The following PKHD1L1 variants were observed in gnomAD, a reference collection of about 807,000 sequenced individuals.
PKHD1L1 encodes PKHD1 like 1, also known as fibrocystin-L.
In PKHD1L1, 434 loss-of-function variants were observed where a neutral mutation model predicts 462.9. The observed-to-expected ratio is 0.94, with a 90% CI of 0.87 to 1.02. PKHD1L1 has a LOEUF of 1.02. Ranked by LOEUF, PKHD1L1 falls within the 50% of genes least tolerant of loss-of-function variation. PKHD1L1 has a pLI of 0.00. For missense variants in PKHD1L1, 5,202 were observed against 5,096.1 expected (o/e 1.02, Z -0.63); for synonymous variants, 1,781 against 1,750.0 (o/e 1.02, Z -0.44).
chr8:109,503,644 GC>G (rs2130962468), intron 67 of PKHD1L1, among the ~76,000 whole-genome samples: 1 of 152,186 alleles, frequency 6.6e-6, no homozygotes, highest in African/African-American at 2.4e-5. Context: ...TTCTCTTTTA[GC>G]CACATAATAT....
At chr8:109,455,552 T>C (rs1227515782) in intron 45 of PKHD1L1, among the ~76,000 whole-genome samples, 1 of 152,152 alleles carries the variant, frequency 6.6e-6, no homozygotes, top group East Asian at 1.9e-4. Context: ...AAAGACTAAG[T>C]CTAGAAACAG....
intron 30 of PKHD1L1, among the ~76,000 whole-genome samples, chr8:109,437,469 A>G (rs1362004789): frequency 1.3e-5 from 2 of 148,660 alleles, no homozygotes; most frequent in Admixed American, 6.7e-5. Flanking sequence ...CATTAGGTAT[A>G]TCTCCTAATG....
rs1331370488 is a variant in PKHD1L1 at position 109,382,550 on chromosome 8, C to T, written c.396C>T (p.Asn132=). 1 of 1,611,658 alleles carries T rather than the reference C, an allele frequency of 6.2e-7. No individual in the cohort carries two copies. Among genetic ancestry groups the T allele is most frequent in the Non-Finnish European group, 8.5e-7 (1 of 1,178,626 alleles). ...ATAACACCTGCAAAGGTCACATCAA[C>T]AGCTGGGAATGTACCTTCAACGTAT... ...TENNTCKGHI[N]SWECTFNAKS... Residue 132 remains asparagine (N), a synonymous_variant, in exon 4 of 78, where the codon AAC becomes AAT. Transcript: ENST00000378402.
intron 4 of PKHD1L1, among the ~76,000 whole-genome samples, chr8:109,383,501 T>C (rs1246892249): frequency 7.2e-6 from 1 of 137,946 alleles, no homozygotes; most frequent in Non-Finnish European, 1.5e-5. Flanking sequence ...TAAATATTTA[T>C]ATATAAATAG....
intron 59 of PKHD1L1, 113 bp downstream of exon 59, chr8:109,486,934 A>G (rs1818559804): frequency 8.7e-7 from 1 of 1,144,124 alleles, no homozygotes; most frequent in Non-Finnish European, 1.2e-6. Context: ...GGGAAAATAA[A>G]GCATTAAAAG....
chr8:109,394,170 CAAAA>C lies in PKHD1L1; in HGVS notation c.741-221_741-218del, dbSNP rs146708536. ...GCCTGGCAACAGAGCGAGACTCTGT[CAAAA>C]AAAAAAAAAAAAAAAAAAAAAAAGA... On this transcript the variant is annotated intron_variant, in intron 9 of 77. Transcript: ENST00000378402. 1.6e-4 allele frequency among the ~76,000 whole-genome samples: 10 copies of C among 63,704 alleles called. No individual in the cohort carries two copies. The South Asian group carries it at 1.6e-3, about 10-fold the overall frequency. 41.8% of individuals were successfully genotyped at this position (63,704 alleles called of 152,430 possible).
intron 2 of PKHD1L1, among the ~76,000 whole-genome samples, chr8:109,380,851 T>C (rs998325818): frequency 3.9e-5 from 6 of 152,136 alleles, no homozygotes; most frequent in Admixed American, 3.9e-4. Flanking sequence ...AAAGACCTCA[T>C]CCTTTATAAG....
intron 14 of PKHD1L1, among the ~76,000 whole-genome samples, chr8:109,402,583 A>C (rs1013648186): frequency 3.3e-5 from 5 of 152,110 alleles, no homozygotes; most frequent in African/African-American, 1.2e-4. Flanking sequence ...GGGGAGTCCT[A>C]ATGCACACAC....
In PKHD1L1 at chr8:109,459,775, A is replaced by G. The variant is rs1465307919; in HGVS notation, c.7185A>G (p.Arg2395=). The G allele has an allele frequency of 3.1e-6, 5 of 1,611,580 alleles. No homozygotes were observed. ...TTCTTACAAGAAATATTTTAATAAG[A>G]GGATCTGATAATGTTGAGTGGAATA... ...VGILTRNILI[R]GSDNVEWNNK... The change falls in exon 47 of 78, where the codon AGA becomes AGG. Residue 2395 remains arginine (R), a synonymous_variant. Coordinates refer to ENST00000378402, the MANE Select transcript of PKHD1L1 (RefSeq NM_177531.6).
chr8:109,384,127 G>A lies in PKHD1L1; in HGVS notation c.475G>A (p.Gly159Ser), dbSNP rs775980615. 3.1e-6 allele frequency: 5 copies of A among 1,606,232 alleles called. No individual in the cohort carries two copies. The highest frequency in any genetic ancestry group is 1.7e-4 in the Middle Eastern group (1 of 6,046). The change falls in exon 5 of 78, where the codon GGT becomes AGT. Residue 159 changes from glycine (G) to serine (S), a missense_variant and splice_region_variant. Physicochemically the swap from Gly to Ser is moderately conservative, Grantham distance 56. Around this residue, in one of 3 missense-constraint regions of PKHD1L1, gnomAD observed 4,497 missense variants for 4,336.8 expected, o/e 1.04. Coordinates refer to ENST00000378402, the MANE Select transcript of PKHD1L1 (RefSeq NM_177531.6). The stretch of plus-strand genomic sequence containing the variant: ...CATCACACCTTTATCTGGAACTCCA[G>A]GTCTGTTATATGACATCTGAAATAA... ...RSITPLSGTP[G>S]TLITIQGRIF...
At position 109,425,249 on chromosome 8, in the gene PKHD1L1, T is replaced by A. The variant is rs1173622433; in HGVS notation, c.2845+17T>A. The A allele has an allele frequency of 6.4e-7, 1 of 1,558,730 alleles. No homozygotes were observed. Among genetic ancestry groups the A allele is most frequent in the Admixed American group, 2.1e-5 (1 of 48,554 alleles). On this transcript the variant is annotated intron_variant, in intron 24 of 77. Transcript: ENST00000378402. Reference sequence around the variant, plus strand: ...TTCTTAAAGGTATATGAAAAAAATTTAAAATATTGGTGTATACGCACACAC... The same window carrying A: ...TTCTTAAAGGTATATGAAAAAAATTAAAAATATTGGTGTATACGCACACAC...
Position 109,394,170 on chromosome 8 carries a change from C to CAA in PKHD1L1, c.741-219_741-218dup, listed in dbSNP as rs146708536. Among the ~76,000 whole-genome samples, 109 of 63,696 alleles carry CAA rather than the reference C, an allele frequency of 1.7e-3. 1 individual carries two copies. Among genetic ancestry groups the CAA allele is most frequent in the Middle Eastern group, 0.014 (1 of 70 alleles). 41.8% of individuals were successfully genotyped at this position (63,696 alleles called of 152,430 possible). On this transcript the variant is annotated intron_variant, in intron 9 of 77. Transcript: ENST00000378402. Reference sequence around the variant, plus strand: ...GCCTGGCAACAGAGCGAGACTCTGTCAAAAAAAAAAAAAAAAAAAAAAAAA... The same window carrying CAA: ...GCCTGGCAACAGAGCGAGACTCTGTCAAAAAAAAAAAAAAAAAAAAAAAAAAA...
intron 9 of PKHD1L1, among the ~76,000 whole-genome samples, chr8:109,393,658 TACTC>T (rs909369940): frequency 1.3e-5 from 2 of 152,182 alleles, no homozygotes; most frequent in African/African-American, 4.8e-5. Flanking sequence ...GTCTGCCACT[TACTC>T]ACTGTGCGAT....
In PKHD1L1 at chr8:109,363,476, T is replaced by A. The variant is rs182456420; in HGVS notation, c.73+823T>A. Among the ~76,000 whole-genome samples, 5 of 152,320 alleles carry A rather than the reference T, an allele frequency of 3.3e-5. No individual in the cohort carries two copies. The East Asian group carries it at 9.7e-4, about 29-fold the overall frequency. On this transcript the variant is annotated intron_variant, in intron 1 of 77. Transcript: ENST00000378402. The stretch of plus-strand genomic sequence containing the variant: ...CAGAACTGAACAAGCCAATCATAAT[T>A]CCCTTAGCCTTTTTATATACATCCA...
chr8:109,498,349 C>A (rs1172377777), intron 65 of PKHD1L1, 113 bp from the exon 66 acceptor site: 6 of 280,884 alleles, frequency 2.1e-5, no homozygotes, highest in Admixed American at 1.5e-4. Context: ...GATCCACCCG[C>A]CTCGGCCTCC....
intron 70 of PKHD1L1, among the ~76,000 whole-genome samples, chr8:109,510,226 G>A (rs1186836277): frequency 6.6e-6 from 1 of 152,104 alleles, no homozygotes; most frequent in Non-Finnish European, 1.5e-5. Context: ...TAAAAAACAA[G>A]TGCATGAGTG....
At chr8:109,401,679 G>A (rs963336109) in intron 14 of PKHD1L1, 91 bp downstream of exon 14, 4 of 606,020 alleles carry the variant, frequency 6.6e-6, no homozygotes, top group Non-Finnish European at 1.1e-5. Flanking sequence ...TTTTATTGGT[G>A]GAAGTGATAT....
At chr8:109,494,531 G>A (rs1389552218) in intron 63 of PKHD1L1, among the ~76,000 whole-genome samples, 1 of 151,890 alleles carries the variant, frequency 6.6e-6, no homozygotes. Flanking sequence ...GCCAGACGAT[G>A]GAACACTAGA....
In PKHD1L1 at chr8:109,481,524, C is replaced by A. The variant is rs192536821; in HGVS notation, c.9419C>A (p.Ala3140Asp). The A allele has an allele frequency of 5.4e-5, 86 of 1,595,956 alleles. No individual in the cohort carries two copies. The African/African-American group carries it at 9.9e-4, about 18-fold the overall frequency. ...GGAAATCATACTACACAAGACTGGG[C>A]TCTTCCAGAAGGACCAAATCAAGGG... ...LRGNHTTQDW[A>D]LPEGPNQGAK... The change falls in exon 56 of 78, where the codon GCT (alanine) becomes GAT (aspartate). Residue 3140 changes from alanine (A) to aspartate (D), a missense_variant. Physicochemically the swap from Ala to Asp is moderately radical, Grantham distance 126. Coordinates refer to ENST00000378402, the MANE Select transcript of PKHD1L1 (RefSeq NM_177531.6).
Sources: allele counts gnomAD v4.1 joint callset (sites outside exome capture counted in the v4.1 genomes callset), GRCh38; gene constraint gnomAD v4.1.1; regional missense constraint gnomAD v4.1.1; transcripts MANE v1.5; gene names NCBI Gene and HGNC (gene_info 2026-07-23, HGNC 2026-07-21).